RBFOX1: variants seen among roughly 807,000 people sequenced by gnomAD.
The protein encoded by RBFOX1 is RNA binding protein fox-1 homolog 1.
A neutral mutation model predicts 57.7 loss-of-function variants in RBFOX1; 8 were observed. The observed-to-expected ratio is 0.14, with a 90% CI of 0.08 to 0.25. RBFOX1 has a LOEUF of 0.25. Ranked by LOEUF, RBFOX1 falls within the 10% of genes least tolerant of loss-of-function variation. The pLI is 1.00. For missense variants in RBFOX1, 611 were observed against 548.5 expected (o/e 1.11, Z -1.14); for synonymous variants, 326 against 222.4 (o/e 1.47, Z -4.15).
chr16:6,733,262 T>G (rs1017201945), intron 3 of RBFOX1, among the ~76,000 whole-genome samples: 1 of 152,158 alleles, frequency 6.6e-6, no homozygotes, highest in Admixed American at 6.5e-5. Flanking sequence ...AATTTGGCCT[T>G]CAGTGTGATA....
chr16:5,787,209 C>A, intron 3 of RBFOX1, among the ~76,000 whole-genome samples: 1 of 152,160 alleles, frequency 6.6e-6, no homozygotes. Context: ...CTCCACAGGG[C>A]CCTTTCACTG....
chr16:6,386,118 G>A (rs949612087), intron 2 of RBFOX1, among the ~76,000 whole-genome samples: 2 of 151,984 alleles, frequency 1.3e-5, no homozygotes, highest in African/African-American at 2.4e-5. Flanking sequence ...TGTATTTTTA[G>A]TAGAGACGGG....
intron 4 of RBFOX1, among the ~76,000 whole-genome samples, chr16:7,462,438 C>T (rs913118927): frequency 3.3e-5 from 5 of 152,200 alleles, no homozygotes; most frequent in African/African-American, 1.2e-4. Flanking sequence ...TTGCAGTGAG[C>T]CAAGATCGTG....
At chr16:7,293,715 C>T (rs1377264444) in intron 4 of RBFOX1, among the ~76,000 whole-genome samples, 1 of 152,154 alleles carries the variant, frequency 6.6e-6, no homozygotes, top group Non-Finnish European at 1.5e-5. Context: ...GGAAGGTTTT[C>T]TACCCAATAC....
chr16:7,517,472 T>C (rs2076613984), intron 4 of RBFOX1, among the ~76,000 whole-genome samples: 1 of 151,964 alleles, frequency 6.6e-6, no homozygotes, highest in Non-Finnish European at 1.5e-5. Flanking sequence ...AGGACAGTCT[T>C]TGTCCAAATT....
Position 5,280,921 on chromosome 16 carries a change from T to A in RBFOX1, c.219+40816T>A, listed in dbSNP as rs1241248302. On this transcript the variant is annotated intron_variant, in intron 1 of 2. Coordinates refer to the RBFOX1 transcript ENST00000585867. ...CTTGTTGATTATTTGCATTTCTTTT[T>A]TGTCTCTGTTGCATTTGGTTCTGCT... 2.7e-5 allele frequency among the ~76,000 whole-genome samples: 4 copies of A among 147,282 alleles called. No homozygotes were observed. The East Asian group carries it at 8.0e-4, about 29-fold the overall frequency.
intron 2 of RBFOX1, among the ~76,000 whole-genome samples, chr16:6,585,738 C>T (rs577946955): frequency 6.6e-6 from 1 of 152,086 alleles, no homozygotes; most frequent in Non-Finnish European, 1.5e-5. Flanking sequence ...GGGGCAAAAA[C>T]AGGTGTACCT....
rs148102363 is a variant in RBFOX1, at chr16:6,787,958, C to T, written c.-16+133308C>T. ...GCCAATGAGGCCGGGCACGGTGGCT[C>T]ATGTCTGTAATCCCAGCACTTTGGG... On this transcript the variant is annotated intron_variant, in intron 3 of 15. Transcript: ENST00000550418. Among the ~76,000 whole-genome samples, 970 of 152,048 alleles carry T rather than the reference C, an allele frequency of 6.4e-3. 14 individuals carry two copies. The highest frequency in any genetic ancestry group is 0.022 in the African/African-American group (934 of 41,548).
chr16:7,417,762 T>C (rs146573720), intron 4 of RBFOX1, among the ~76,000 whole-genome samples: 1 of 152,294 alleles, frequency 6.6e-6, no homozygotes, highest in Non-Finnish European at 1.5e-5. Flanking sequence ...ATATAAAAAG[T>C]ATGTGAAAGG....
intron 4 of RBFOX1, among the ~76,000 whole-genome samples, chr16:7,502,256 C>T (rs1487680501): frequency 1.3e-5 from 2 of 152,196 alleles, no homozygotes; most frequent in African/African-American, 4.8e-5. Context: ...TCATGTCAAA[C>T]ACCTGATTAC....
rs963814497 is a variant in RBFOX1, at chr16:5,469,270, C to T, written c.258+2016C>T. 1.2e-4 allele frequency among the ~76,000 whole-genome samples: 19 copies of T among 152,104 alleles called. No individual in the cohort carries two copies. The South Asian group carries it at 3.1e-3, about 25-fold the overall frequency. On this transcript the variant is annotated intron_variant, in intron 2 of 2. Transcript: ENST00000585867. ...TAACATCCCAGCACCTGTGCTCATT[C>T]CCCAGCACACCCCCCATGTAGACAA...
intron 1 of RBFOX1, among the ~76,000 whole-genome samples, chr16:6,125,089 A>G (rs755233393): frequency 1.3e-5 from 2 of 152,008 alleles, no homozygotes; most frequent in Non-Finnish European, 2.9e-5. Flanking sequence ...CATCCTCCAC[A>G]TCCACTGCTG....
chr16:7,123,907 A>T (rs1240400247), intron 4 of RBFOX1, among the ~76,000 whole-genome samples: 2 of 152,208 alleles, frequency 1.3e-5, no homozygotes, highest in Non-Finnish European at 2.9e-5. Flanking sequence ...GCAGTGGAGA[A>T]GAGAAAGGAG....
intron 3 of RBFOX1, among the ~76,000 whole-genome samples, chr16:5,659,537 T>A (rs2049576821): frequency 6.6e-6 from 1 of 152,074 alleles, no homozygotes; most frequent in Admixed American, 6.6e-5. Context: ...TCTCCTGACC[T>A]TGTGATCCGT....
chr16:7,165,703 A>G (rs1446631348), intron 4 of RBFOX1, among the ~76,000 whole-genome samples: 1 of 151,904 alleles, frequency 6.6e-6, no homozygotes, highest in Non-Finnish European at 1.5e-5. Context: ...TGTTGGGATT[A>G]CAAGTGAGAG....
intron 1 of RBFOX1, among the ~76,000 whole-genome samples, chr16:5,431,205 G>A (rs979651244): frequency 2.0e-5 from 3 of 152,156 alleles, no homozygotes; most frequent in South Asian, 2.1e-4. Flanking sequence ...GAGATAACTC[G>A]ATTCTCCAAA....
rs182198457 is a variant in RBFOX1 at position 5,542,796 on chromosome 16, C to T, written c.259-56106C>T. Reference sequence around the variant, plus strand: ...GTAGGTTCTATGATTTGATACTTTACCATCCATACTCATTAATAAGGCAGA... The same window carrying T: ...GTAGGTTCTATGATTTGATACTTTATCATCCATACTCATTAATAAGGCAGA... On this transcript the variant is annotated intron_variant, in intron 2 of 2. Coordinates refer to the RBFOX1 transcript ENST00000585867. 2.4e-3 allele frequency among the ~76,000 whole-genome samples: 360 copies of T among 152,270 alleles called. 3 individuals carry two copies. The highest frequency in any genetic ancestry group is 8.3e-3 in the African/African-American group (343 of 41,548).
chr16:7,230,158 C>T (rs921546459), intron 4 of RBFOX1, among the ~76,000 whole-genome samples: 5 of 150,716 alleles, frequency 3.3e-5, no homozygotes, highest in Admixed American at 6.6e-5. Context: ...TTTTTTTCTG[C>T]GTTCGTTTAC....
intron 1 of RBFOX1, among the ~76,000 whole-genome samples, chr16:6,166,323 A>C (rs2096916815): frequency 2.0e-5 from 3 of 151,586 alleles, no homozygotes; most frequent in Non-Finnish European, 4.4e-5. Context: ...GCTCGCACAC[A>C]TCATTCAGCG....
Sources: allele counts gnomAD v4.1 joint callset (sites outside exome capture counted in the v4.1 genomes callset), GRCh38; gene constraint gnomAD v4.1.1; transcripts MANE v1.5; gene names NCBI Gene and HGNC (gene_info 2026-07-23, HGNC 2026-07-21).